The following KMT2C variants were observed in gnomAD, a reference collection of about 807,000 sequenced individuals.
KMT2C encodes the protein lysine methyltransferase 2C, also known as histone-lysine N-methyltransferase 2C.
A neutral mutation model predicts 507.9 loss-of-function variants in KMT2C; 88 were observed. The ratio of observed to expected loss-of-function variants is 0.17; its 90% confidence interval spans 0.15 to 0.21. KMT2C has a LOEUF of 0.21. KMT2C is among the 10% of genes least tolerant of loss of function. The pLI is 1.00. For missense variants in KMT2C, 4,954 were observed against 5,957.8 expected (o/e 0.83, Z 5.55); for synonymous variants, 2,049 against 2,080.8 (o/e 0.98, Z 0.42).
chr7:152,362,311 G>C (rs997859188), intron 1 of KMT2C, among the ~76,000 whole-genome samples: 1 of 152,084 alleles, frequency 6.6e-6, no homozygotes, highest in Admixed American at 6.6e-5. Context: ...AGTGAGGGGG[G>C]TTAGAGGGAC....
intron 5 of KMT2C, among the ~76,000 whole-genome samples, chr7:152,310,670 T>G (rs116772825): frequency 0.012 from 1,865 of 152,104 alleles, 43 homozygotes; most frequent in African/African-American, 0.043. Flanking sequence ...TCTGTTTTTT[T>G]TTGTTGTTGT....
intron 49 of KMT2C, among the ~76,000 whole-genome samples, chr7:152,151,966 G>C (rs1175166268): frequency 1.3e-5 from 2 of 152,206 alleles, no homozygotes; most frequent in Admixed American, 1.3e-4. Context: ...ATATGTATAA[G>C]AGTCTTAAAT....
rs1326233777 is a variant in KMT2C, at chr7:152,154,330, C to G, written c.12076G>C (p.Glu4026Gln). 6.2e-7 allele frequency: 1 copy of G among 1,614,176 alleles called. No individual in the cohort carries two copies. Among genetic ancestry groups the G allele is most frequent in the South Asian group, 1.1e-5 (1 of 91,082 alleles). ...GACGGCACCGGTTCTGGAGGCTCCTCCTTGACCAATGACAGATCTGGATAC... is the reference window on the plus strand; with the variant it reads ...GACGGCACCGGTTCTGGAGGCTCCTGCTTGACCAATGACAGATCTGGATAC... ...SRYPDLSLVK[E>Q]EPPEPVPSPI... Residue 4026 changes from glutamate (E) to glutamine (Q), a missense_variant, in exon 47 of 59, where the codon GAG (glutamate) becomes CAG (glutamine). Glu to Gln is a conservative substitution (Grantham distance 29, BLOSUM62 2). Coordinates refer to ENST00000262189, the MANE Select transcript of KMT2C (RefSeq NM_170606.3).
At chr7:152,269,172 C>A (rs1468044780) in intron 7 of KMT2C, among the ~76,000 whole-genome samples, 1 of 152,184 alleles carries the variant, frequency 6.6e-6, no homozygotes, top group Non-Finnish European at 1.5e-5. Flanking sequence ...TCACAAAAAT[C>A]ACTTTTTAGA....
chr7:152,256,762 C>T (rs553154014), intron 9 of KMT2C, among the ~76,000 whole-genome samples: 12 of 152,234 alleles, frequency 7.9e-5, no homozygotes, highest in African/African-American at 2.2e-4. Context: ...CATGAAAAAA[C>T]GATCAACTTC....
At chr7:152,193,793 A>G (rs2093880670) in intron 31 of KMT2C, among the ~76,000 whole-genome samples, 1 of 152,184 alleles carries the variant, frequency 6.6e-6, no homozygotes, top group Admixed American at 6.5e-5. Flanking sequence ...CATCCTCCCC[A>G]CTGGACATAA....
Position 152,167,226 on chromosome 7 carries a change from G to A in KMT2C, c.9670C>T (p.Arg3224Cys), listed in dbSNP as rs760393462. The A allele has an allele frequency of 1.9e-6, 3 of 1,613,972 alleles. No homozygotes were observed. Among genetic ancestry groups the A allele is most frequent in the South Asian group, 1.1e-5 (1 of 91,078 alleles). Residue 3224 changes from arginine to cysteine, a missense_variant, in exon 42 of 59, where the codon CGT becomes TGT. Transcript: ENST00000262189. ...AKQRTAKKAG[R>C]EFPEEDAEQL... Reference sequence around the variant, plus strand: ...TCTGCATCTTCCTCTGGAAATTCACGCCCAGCTTTCTTGGCAGTACGTTGT... The same window carrying A: ...TCTGCATCTTCCTCTGGAAATTCACACCCAGCTTTCTTGGCAGTACGTTGT...
At chr7:152,317,055 T>A (rs972808674) in intron 3 of KMT2C, among the ~76,000 whole-genome samples, 2 of 152,154 alleles carry the variant, frequency 1.3e-5, no homozygotes, top group Non-Finnish European at 2.9e-5. Flanking sequence ...TCAACATTGA[T>A]TGTAACAGCA....
chr7:152,237,946 A>G (rs1206084153), intron 15 of KMT2C, among the ~76,000 whole-genome samples: 1 of 152,300 alleles, frequency 6.6e-6, no homozygotes, highest in Non-Finnish European at 1.5e-5. Context: ...TTGGTGGTCT[A>G]TATTATCAAA....
At chr7:152,342,949 C>G (rs1176145979) in intron 2 of KMT2C, among the ~76,000 whole-genome samples, 1 of 152,104 alleles carries the variant, frequency 6.6e-6, no homozygotes, top group African/African-American at 2.4e-5. Context: ...TTCTGCCCCA[C>G]CTAAAAGCAG....
chr7:152,411,166 C>T (rs1207603634), intron 1 of KMT2C, among the ~76,000 whole-genome samples: 1 of 151,928 alleles, frequency 6.6e-6, no homozygotes, highest in Non-Finnish European at 1.5e-5. Flanking sequence ...CAATCCAAGT[C>T]AAGTCATCCT....
rs58197957 is a variant in KMT2C, at chr7:152,342,058, T to A, written c.251-11319A>T. On this transcript the variant is annotated intron_variant, in intron 2 of 58. Transcript: ENST00000262189. The stretch of plus-strand genomic sequence containing the variant: ...ATGGCTTTGGAACTCCAATTCCACC[T>A]GTCTCATCAAGTGTACTGACAAAGC... 9.9e-3 allele frequency among the ~76,000 whole-genome samples: 1,515 copies of A among 152,342 alleles called. 39 individuals carry two copies. Among genetic ancestry groups the A allele is most frequent in the African/African-American group, 0.035 (1,456 of 41,578 alleles).
intron 7 of KMT2C, among the ~76,000 whole-genome samples, chr7:152,270,970 A>G (rs1275882662): frequency 1.3e-5 from 2 of 152,158 alleles, no homozygotes; most frequent in Non-Finnish European, 2.9e-5. Flanking sequence ...TAACTCAGTC[A>G]ACTATCACAG....
chr7:152,365,416 G>A (rs2097234222), intron 1 of KMT2C, among the ~76,000 whole-genome samples: 1 of 152,256 alleles, frequency 6.6e-6, no homozygotes, highest in East Asian at 1.9e-4. Context: ...GGCTGAGGCA[G>A]AATTGCTCCA....
At chr7:152,190,044 G>A (rs968126629) in intron 31 of KMT2C, among the ~76,000 whole-genome samples, 1 of 152,176 alleles carries the variant, frequency 6.6e-6, no homozygotes, top group Non-Finnish European at 1.5e-5. Context: ...CTATTGTGAA[G>A]TGTGCATGCG....
In KMT2C at chr7:152,181,178, T is replaced by C. The variant is rs754966385; in HGVS notation, c.6682A>G (p.Arg2228Gly). The change falls in exon 36 of 59, where the codon AGG becomes GGG. Residue 2228 changes from arginine (R) to glycine (G), a missense_variant. Transcript: ENST00000262189. ...YSQPPATPRP[R>G]ISEGFTRSSM... is the part of the protein sequence containing the mutation. ...GACCTAGTAAAACCCTCTGAAATCC[T>C]TGGCCTTGGTGTTGCTGGTGGCTGA... is the stretch of plus-strand genomic sequence containing the variant. The C allele has an allele frequency of 1.9e-6, 3 of 1,614,144 alleles. No individual in the cohort carries two copies. The highest frequency in any genetic ancestry group is 2.5e-6 in the Non-Finnish European group (3 of 1,180,012).
At chr7:152,333,989 TAATAA>T (rs1412123217) in intron 2 of KMT2C, among the ~76,000 whole-genome samples, 1 of 151,908 alleles carries the variant, frequency 6.6e-6, no homozygotes, top group African/African-American at 2.4e-5. Context: ...TCAAAAGGAA[TAATAA>T]AATGAAAATT....
intron 56 of KMT2C, 70 bp from the exon 57 acceptor site, chr7:152,139,329 CAGG>C: frequency 7.2e-7 from 1 of 1,398,452 alleles, no homozygotes; most frequent in Non-Finnish European, 1.0e-6. Context: ...CTATCCACAC[CAGG>C]AGGACTCAGT....
intron 6 of KMT2C, among the ~76,000 whole-genome samples, chr7:152,277,390 G>C (rs1263743024): frequency 6.6e-6 from 1 of 152,068 alleles, no homozygotes; most frequent in Admixed American, 6.6e-5. Context: ...TTTTATATGA[G>C]TACCAGAATG....
Sources: allele counts gnomAD v4.1 joint callset (sites outside exome capture counted in the v4.1 genomes callset), GRCh38; gene constraint gnomAD v4.1.1; transcripts MANE v1.5; gene names NCBI Gene and HGNC (gene_info 2026-07-23, HGNC 2026-07-21).